Variants in TMPRSS11B observed in about 807,000 individuals in gnomAD.
TMPRSS11B encodes the protein transmembrane protease serine 11B.
Under a neutral mutation model 44.7 loss-of-function variants are expected in TMPRSS11B, and 53 were observed. The ratio of observed to expected loss-of-function variants is 1.19; its 90% confidence interval spans 0.95 to 1.49. The LOEUF (loss-of-function observed/expected upper bound fraction) is 1.49, where lower values mean the gene tolerates loss of function less well. Among genes scored for constraint, TMPRSS11B ranks in the 40% most tolerant of loss-of-function variants. TMPRSS11B has a pLI of 0.00. For synonymous variants in TMPRSS11B, 140 were observed against 159.2 expected, an observed-to-expected ratio of 0.88 and a Z score of 0.91; for missense variants, 526 against 494.8, an observed-to-expected ratio of 1.06 and a Z score of -0.60.
intron 5 of TMPRSS11B, among the ~76,000 whole-genome samples, chr4:68,234,122 C>T (rs1254244942): frequency 1.3e-5 from 2 of 151,804 alleles, no homozygotes; most frequent in Non-Finnish European, 2.9e-5. Context: ...GATCACGCCA[C>T]TGCACTCCAG....
intron 5 of TMPRSS11B, among the ~76,000 whole-genome samples, chr4:68,233,208 T>A (rs1719568331): frequency 6.6e-6 from 1 of 151,548 alleles, no homozygotes; most frequent in Non-Finnish European, 1.5e-5. Flanking sequence ...CACAGAAAAA[T>A]TTTATTGCTC....
In TMPRSS11B at chr4:68,242,297, A is replaced by ATAATATTATATT. The variant is rs1719865826; in HGVS notation, c.9-494_9-493insAATATAATATTA. Among the ~76,000 whole-genome samples the ATAATATTATATT allele has an allele frequency of 7.0e-4, 7 of 10,032 alleles. No individual in the cohort carries two copies. In the South Asian group the frequency reaches 0.035, roughly 51 times the overall value. 6.6% of individuals were successfully genotyped at this position (10,032 alleles called of 152,430 possible). A position where few individuals can be genotyped will look rare whatever the true frequency, so the allele number is the denominator to read the frequency against. The stretch of plus-strand genomic sequence containing the variant: ...ATATTATATATATTATATTATACAT[A>ATAATATTATATT]ATATAATATATATAATATTATATAT... On this transcript the variant is annotated intron_variant, in intron 1 of 9. Transcript: ENST00000332644.
Position 68,227,824 on chromosome 4 carries a change from C to A in TMPRSS11B, c.*87G>T. ...TATATATAATAAAATGATTAGTTTA[C>A]CAACAATCAAAATAAAAAGATCCCA... On this transcript the variant is annotated 3_prime_UTR_variant, in exon 10 of 10. Transcript: ENST00000332644. 1.0e-6 allele frequency: 1 copy of A among 969,784 alleles called. No homozygotes were observed. 60.1% of individuals were successfully genotyped at this position (969,784 alleles called of 1,614,324 possible).
Position 68,227,960 on chromosome 4 carries a change from G to T in TMPRSS11B, c.1202C>A (p.Thr401Asn), listed in dbSNP as rs528333518. Residue 401 changes from threonine (T) to asparagine (N), a missense_variant, in exon 10 of 10, where the codon ACT becomes AAT. Transcript: ENST00000332644. ...CCAATTGCGATAAGAAGTCACTCGAGTATAGACACCTGGCTTATTCTTTTT... is the reference window on the plus strand; with the variant it reads ...CCAATTGCGATAAGAAGTCACTCGATTATAGACACCTGGCTTATTCTTTTT... ...CGKKNKPGVY[T>N]RVTSYRNWIT... The T allele has an allele frequency of 6.2e-7, 1 of 1,613,558 alleles. No homozygotes were observed. Among genetic ancestry groups the T allele is most frequent in the East Asian group, 2.2e-5 (1 of 44,822 alleles).
At chr4:68,241,853 T>C (rs779193539) in intron 1 of TMPRSS11B, 49 bp from the exon 2 acceptor site, 2 of 1,022,398 alleles carry the variant, frequency 2.0e-6, no homozygotes, top group Non-Finnish European at 3.1e-6. Context: ...ACAATCAAAA[T>C]CTACCTGCCT....
In TMPRSS11B at chr4:68,229,116, C is replaced by T. The variant is rs575552937; in HGVS notation, c.946+141G>A. 3.3e-5 allele frequency: 33 copies of T among 990,416 alleles called. No homozygotes were observed. The South Asian group carries it at 5.2e-4, about 16-fold the overall frequency. 61.4% of individuals were successfully genotyped at this position (990,416 alleles called of 1,614,324 possible). A position where few individuals can be genotyped will look rare whatever the true frequency, so the allele number is the denominator to read the frequency against. On this transcript the variant is annotated intron_variant, in intron 8 of 9. Coordinates refer to ENST00000332644, the MANE Select transcript of TMPRSS11B (RefSeq NM_182502.3). ...GAAGTGAAGACAATTTGACATCATG[C>T]TTTTTGTCCCACCACTTGGTTTTCT...
chr4:68,239,884 C>T (rs953414449), intron 2 of TMPRSS11B, among the ~76,000 whole-genome samples: 2 of 152,070 alleles, frequency 1.3e-5, no homozygotes, highest in African/African-American at 4.8e-5. Context: ...TGAGAAGAAG[C>T]TAGGGTTTGG....
In TMPRSS11B at chr4:68,245,649, A is replaced by T. The variant is rs372827007; in HGVS notation, c.-91T>A. On this transcript the variant is annotated 5_prime_UTR_variant, in exon 1 of 10. Coordinates refer to ENST00000332644, the MANE Select transcript of TMPRSS11B (RefSeq NM_182502.3). ...AACGATGACAATGCTGGTAATAGTG[A>T]TGACAAAAGTTAGAACCTTCTGACG... 802 of 1,501,340 alleles carry T rather than the reference A, an allele frequency of 5.3e-4. 1 individual carries two copies. Among genetic ancestry groups the T allele is most frequent in the Non-Finnish European group, 7.1e-4 (772 of 1,080,080 alleles). The allele number at this position is 1,501,340 out of a possible 1,614,324, so 93.0% of individuals were successfully genotyped here.
In TMPRSS11B at chr4:68,226,763, C is replaced by T. The variant is rs376457200; in HGVS notation, c.*1148G>A. The T allele has an allele frequency of 6.6e-6, 1 of 152,250 alleles. No homozygotes were observed. Among genetic ancestry groups the T allele is most frequent in the South Asian group, 2.1e-4 (1 of 4,822 alleles). The allele number at this position is 152,250 out of a possible 1,614,324, so 9.4% of individuals were successfully genotyped here. A position where few individuals can be genotyped will look rare whatever the true frequency, so the allele number is the denominator to read the frequency against. On this transcript the variant is annotated 3_prime_UTR_variant, in exon 10 of 10. Coordinates refer to ENST00000332644, the MANE Select transcript of TMPRSS11B (RefSeq NM_182502.3). ...TATTTGTAGAGATTACAAAGTTAGC[C>T]ATCCATATGATTGCACTTTTACTAT...
intron 2 of TMPRSS11B, among the ~76,000 whole-genome samples, chr4:68,236,998 T>G (rs949338414): frequency 6.6e-6 from 1 of 151,728 alleles, no homozygotes; most frequent in African/African-American, 2.4e-5. Flanking sequence ...TGCAGATTTG[T>G]CACATAGGTA....
rs528825234 is a variant in TMPRSS11B at position 68,228,919 on chromosome 4, T to A, written c.947-35A>T. ...ATAAGTGCTGCATATTATGCAGATC[T>A]TAGACTTTGCTGGGACAAAGAATAT... On this transcript the variant is annotated intron_variant, in intron 8 of 9. Transcript: ENST00000332644. The A allele has an allele frequency of 1.1e-3, 1,694 of 1,595,170 alleles. 29 individuals carry two copies. In the South Asian group the frequency reaches 0.019, roughly 17 times the overall value.
chr4:68,244,781 A>G (rs1179534545), intron 1 of TMPRSS11B, among the ~76,000 whole-genome samples: 1 of 152,216 alleles, frequency 6.6e-6, no homozygotes, highest in Admixed American at 6.5e-5. Context: ...GCAAAGCATT[A>G]AAAAATATAT....
chr4:68,241,954 A>G lies in TMPRSS11B; in HGVS notation c.9-150T>C, dbSNP rs530591041. ...AGAAACCTCAAATGCCTCAAAGAGG[A>G]TAGACCCTAATGCTCATTCACTTAG... On this transcript the variant is annotated intron_variant, in intron 1 of 9. Transcript: ENST00000332644. The G allele has an allele frequency of 2.1e-5, 12 of 573,036 alleles. No homozygotes were observed. The East Asian group carries it at 2.3e-4, about 11-fold the overall frequency. 35.5% of individuals were successfully genotyped at this position (573,036 alleles called of 1,614,324 possible).
intron 1 of TMPRSS11B, among the ~76,000 whole-genome samples, chr4:68,242,866 C>T (rs986712878): frequency 1.3e-5 from 2 of 152,070 alleles, no homozygotes; most frequent in Non-Finnish European, 2.9e-5. Flanking sequence ...TGCACCTGGC[C>T]TATTTTCTAT....
chr4:68,233,506 T>A (rs866127223), intron 5 of TMPRSS11B, among the ~76,000 whole-genome samples: 1 of 152,076 alleles, frequency 6.6e-6, no homozygotes, highest in Non-Finnish European at 1.5e-5. Context: ...AATCTTATCA[T>A]TTTTCTGTGA....
At chr4:68,241,348 A>G (rs1365210571) in intron 2 of TMPRSS11B, among the ~76,000 whole-genome samples, 1 of 152,162 alleles carries the variant, frequency 6.6e-6, no homozygotes. Flanking sequence ...GAATTGAACC[A>G]AGAAGAGAAG....
chr4:68,234,200 A>G (rs1719596725), intron 5 of TMPRSS11B, among the ~76,000 whole-genome samples: 1 of 151,588 alleles, frequency 6.6e-6, no homozygotes, highest in African/African-American at 2.4e-5. Flanking sequence ...AGAACCCTTC[A>G]CCCCCTTTCC....
chr4:68,231,431 A>G, intron 6 of TMPRSS11B, 51 bp from the exon 7 acceptor site: 1 of 1,326,648 alleles, frequency 7.5e-7, no homozygotes. Context: ...ATTACGCATT[A>G]TAAAAAAATA....
chr4:68,227,829 A>T lies in TMPRSS11B; in HGVS notation c.*82T>A. ...ATAATAAAATGATTAGTTTACCAACAATCAAAATAAAAAGATCCCAAAGCC... is the reference window on the plus strand; with the variant it reads ...ATAATAAAATGATTAGTTTACCAACTATCAAAATAAAAAGATCCCAAAGCC... On this transcript the variant is annotated 3_prime_UTR_variant, in exon 10 of 10. Coordinates refer to ENST00000332644, the MANE Select transcript of TMPRSS11B (RefSeq NM_182502.3). The T allele has an allele frequency of 9.4e-7, 1 of 1,063,924 alleles. No individual in the cohort carries two copies. The highest frequency in any genetic ancestry group is 1.3e-6 in the Non-Finnish European group (1 of 797,086). 65.9% of individuals were successfully genotyped at this position (1,063,924 alleles called of 1,614,324 possible).
Sources: allele counts gnomAD v4.1 joint callset (sites outside exome capture counted in the v4.1 genomes callset), GRCh38; gene constraint gnomAD v4.1.1; transcripts MANE v1.5; gene names NCBI Gene and HGNC (gene_info 2026-07-23, HGNC 2026-07-21).